Variants in DAPK2 observed in about 807,000 individuals in gnomAD.
The protein encoded by DAPK2 is death-associated protein kinase 2.
Under a neutral mutation model 44.1 loss-of-function variants are expected in DAPK2, and 35 were observed. The observed-to-expected ratio is 0.79, with a 90% CI of 0.61 to 1.05. The LOEUF (loss-of-function observed/expected upper bound fraction) is 1.05. DAPK2 is among the 50% of genes least tolerant of loss of function. DAPK2 has a pLI of 0.00. For synonymous variants in DAPK2, 174 were observed against 182.6 expected (o/e 0.95, Z 0.38); for missense variants, 453 against 483.2 (o/e 0.94, Z 0.59).
chr15:64,044,978 T>C (rs2080427056), upstream of DAPK2, among the ~76,000 whole-genome samples: 1 of 152,214 alleles, frequency 6.6e-6, no homozygotes, highest in Non-Finnish European at 1.5e-5. Context: ...TTCCAGGCTT[T>C]GACCCATCAC....
chr15:64,003,370 A>G (rs2079147977), intron 1 of DAPK2, among the ~76,000 whole-genome samples: 1 of 152,174 alleles, frequency 6.6e-6, no homozygotes, highest in Non-Finnish European at 1.5e-5. Flanking sequence ...TAGCAATAGC[A>G]CTCTATCATA....
chr15:64,014,809 A>C (rs1463638709), intron 1 of DAPK2, among the ~76,000 whole-genome samples: 1 of 151,914 alleles, frequency 6.6e-6, no homozygotes, highest in Admixed American at 6.6e-5. Context: ...AATCCCAGCT[A>C]TTTGGGAGGC....
chr15:64,029,142 G>A (rs4776764), intron 1 of DAPK2, among the ~76,000 whole-genome samples: 68,684 of 121,358 alleles, frequency 0.57, 19,672 homozygotes, highest in East Asian at 0.8. Flanking sequence ...ACTGCCCCCC[G>A]CCCCCAGCTC....
At chr15:63,988,459 A>C (rs542288230) in intron 1 of DAPK2, among the ~76,000 whole-genome samples, 14 of 152,108 alleles carry the variant, frequency 9.2e-5, no homozygotes, top group Admixed American at 8.5e-4. Flanking sequence ...CCACGGGATC[A>C]ATTTTGTATA....
At chr15:63,914,200 A>T (rs1383063617) in intron 8 of DAPK2, among the ~76,000 whole-genome samples, 1 of 148,406 alleles carries the variant, frequency 6.7e-6, no homozygotes, top group Non-Finnish European at 1.5e-5. Flanking sequence ...TCTGCCCAGG[A>T]GTCAGTAGGA....
intron 1 of DAPK2, among the ~76,000 whole-genome samples, chr15:63,997,606 C>T (rs2078982952): frequency 6.6e-6 from 1 of 152,230 alleles, no homozygotes; most frequent in South Asian, 2.1e-4. Flanking sequence ...GCTGGGATTA[C>T]AGGTGTGAGC....
intron 1 of DAPK2, among the ~76,000 whole-genome samples, chr15:64,038,720 A>G (rs994955455): frequency 6.6e-6 from 1 of 152,152 alleles, no homozygotes; most frequent in Non-Finnish European, 1.5e-5. Flanking sequence ...TAGTCCTGAC[A>G]TAAGAGTTCT....
chr15:63,925,910 T>C (rs1482901110), intron 7 of DAPK2, 31 bp downstream of exon 8: 1 of 1,613,732 alleles, frequency 6.2e-7, no homozygotes, highest in East Asian at 2.2e-5. Context: ...GATCAGTACC[T>C]GAGAAACCAG....
chr15:63,986,430 T>G (rs8035422), intron 1 of DAPK2, among the ~76,000 whole-genome samples: 1 of 152,212 alleles, frequency 6.6e-6, no homozygotes, highest in Admixed American at 6.5e-5. Flanking sequence ...TGGTTTAATT[T>G]TATTTATTTT....
chr15:64,014,396 C>T (rs2079467242), intron 1 of DAPK2, among the ~76,000 whole-genome samples: 1 of 152,246 alleles, frequency 6.6e-6, no homozygotes, highest in Non-Finnish European at 1.5e-5. Flanking sequence ...GTCCAACATT[C>T]TGGCTTTCCA....
At chr15:64,029,505 G>A (rs1363679556) in intron 1 of DAPK2, among the ~76,000 whole-genome samples, 2 of 152,140 alleles carry the variant, frequency 1.3e-5, no homozygotes, top group Admixed American at 1.3e-4. Context: ...CGCGCCCAGG[G>A]TGATAGCTTC....
chr15:64,003,095 G>C (rs1179125387), intron 1 of DAPK2, among the ~76,000 whole-genome samples: 1 of 151,792 alleles, frequency 6.6e-6, no homozygotes, highest in Non-Finnish European at 1.5e-5. Context: ...GCAGGAATGG[G>C]ACCTAGGCTT....
At chr15:64,041,561 G>A (rs963634089), upstream of DAPK2, among the ~76,000 whole-genome samples, 18 of 152,200 alleles carry the variant, frequency 1.2e-4, no homozygotes, top group African/African-American at 3.9e-4. Flanking sequence ...GCCTGTGGAT[G>A]TGTCTTCCAA....
chr15:63,976,736 G>A (rs973757109), intron 2 of DAPK2, among the ~76,000 whole-genome samples: 2 of 152,194 alleles, frequency 1.3e-5, no homozygotes, highest in Non-Finnish European at 2.9e-5. Flanking sequence ...AGGTTGAGAT[G>A]TGCTGTAAGT....
intron 3 of DAPK2, among the ~76,000 whole-genome samples, chr15:63,964,489 T>C (rs1022969830): frequency 1.3e-5 from 2 of 152,172 alleles, no homozygotes; most frequent in African/African-American, 4.8e-5. Flanking sequence ...TGAATATTGA[T>C]ATCTTTCTCT....
rs1203113702 is a variant in DAPK2 at position 63,990,649 on chromosome 15, C to T, written c.93-6895G>A. ...GGAAGTGTTCCAAAGCAGAGGGTCG[C>T]GGAGACTGGCTTCCTCCTCCTGCTT... On this transcript the variant is annotated intron_variant, in intron 1 of 10. Transcript: ENST00000261891. This position sits in a 1 kb window ranked among gnomAD's most constrained non-coding sequence, Gnocchi z 4.3. Among the ~76,000 whole-genome samples, 5 of 152,262 alleles carry T rather than the reference C, an allele frequency of 3.3e-5. No homozygotes were observed. Among genetic ancestry groups the T allele is most frequent in the African/African-American group, 7.2e-5 (3 of 41,552 alleles).
At chr15:64,037,842 C>T (rs572853851) in intron 1 of DAPK2, among the ~76,000 whole-genome samples, 2 of 152,198 alleles carry the variant, frequency 1.3e-5, no homozygotes, top group Non-Finnish European at 2.9e-5. Flanking sequence ...CCTAGGACAT[C>T]TGACCACTCC....
chr15:63,948,419 C>T (rs777176527), intron 3 of DAPK2, among the ~76,000 whole-genome samples: 1 of 151,828 alleles, frequency 6.6e-6, no homozygotes, highest in Non-Finnish European at 1.5e-5. Flanking sequence ...GCACATCTTA[C>T]CTGGCCAGAG....
chr15:63,922,673 G>A (rs2079109706), intron 8 of DAPK2: 17 of 1,459,772 alleles, frequency 1.2e-5, no homozygotes, highest in Admixed American at 7.4e-5. Context: ...GGCCGCAGCA[G>A]GGTGGATGAG....
Sources: gnomAD v4.1 joint callset for allele counts (sites outside exome capture counted in the v4.1 genomes callset) on GRCh38, gnomAD v4.1.1 for gene constraint, Gnocchi (gnomAD v3.1) non-coding constraint, MANE v1.5 for transcripts, NCBI Gene and HGNC (gene_info 2026-07-23, HGNC 2026-07-21) for gene names.